Variants in AP5M1 observed in about 807,000 individuals in gnomAD.
AP5M1 encodes the protein adaptor related protein complex 5 subunit mu 1, also known as AP-5 complex subunit mu-1.
In AP5M1, 44 loss-of-function variants were observed where a neutral mutation model predicts 52.3. The ratio of observed to expected loss-of-function variants is 0.84; its 90% CI spans 0.66 to 1.08. The LOEUF is 1.08. AP5M1 is among the 50% of genes least tolerant of loss of function. The probability of loss-of-function intolerance (pLI) is 0.00; values close to 1 mark genes in which losing one functional copy is unlikely to be tolerated. For synonymous variants in AP5M1, 213 were observed against 199.0 expected (o/e 1.07, Z -0.59); for missense variants, 526 against 568.4 (o/e 0.93, Z 0.76).
intron 6 of AP5M1, among the ~76,000 whole-genome samples, chr14:57,284,064 A>C (rs970133020): frequency 1.3e-5 from 2 of 152,214 alleles, no homozygotes; most frequent in African/African-American, 2.4e-5. Context: ...TCAGTGTTGC[A>C]CATCAACAAT....
chr14:57,273,100 C>G (rs1462617591), intron 1 of AP5M1, among the ~76,000 whole-genome samples: 2 of 151,968 alleles, frequency 1.3e-5, no homozygotes. Flanking sequence ...CCACCACAAC[C>G]AGCTAATTTG....
chr14:57,274,641 C>T lies in AP5M1; in HGVS notation c.472C>T (p.Gln158Ter). Residue 158 changes from glutamine (Q) to a stop codon, truncating the protein, a stop_gained, in exon 2 of 8, where the codon CAG becomes TAG. Coordinates refer to ENST00000261558, the MANE Select transcript of AP5M1 (RefSeq NM_018229.4). LOFTEE classifies it high-confidence loss of function. ...NDSELNTKLS[Q>*]LPDLLLQACP... ...CTCTGAGCTGAATACAAAATTGAGC[C>T]AGTTGCCTGACTTGCTTCTGCAGGC... The T allele has an allele frequency of 6.2e-7, 1 of 1,614,162 alleles. No homozygotes were observed. The highest frequency in any genetic ancestry group is 8.5e-7 in the Non-Finnish European group (1 of 1,180,012).
At position 57,298,508 on chromosome 14, in the gene AP5M1, G is replaced by A. The variant is rs1885597679; in HGVS notation, c.*9624G>A. ...TATTGTGAGCATTGAATGATACCAA[G>A]TTATAAGTGCATAGGTATTCAATCA... On this transcript the variant is annotated 3_prime_UTR_variant, in exon 8 of 8. Transcript: ENST00000261558. 6.6e-6 allele frequency: 1 copy of A among 152,120 alleles called. No individual in the cohort carries two copies. The highest frequency in any genetic ancestry group is 2.4e-5 in the African/African-American group (1 of 41,430). The allele number at this position is 152,120 out of a possible 1,614,324, so 9.4% of individuals were successfully genotyped here.
chr14:57,288,514 C>G (rs955870842), intron 7 of AP5M1, among the ~76,000 whole-genome samples: 1 of 151,710 alleles, frequency 6.6e-6, no homozygotes, highest in African/African-American at 2.4e-5. Flanking sequence ...GAGTAATGGT[C>G]CATACGAAAA....
At chr14:57,273,690 A>G (rs1460013098) in intron 1 of AP5M1, 2 of 701,802 alleles carry the variant, frequency 2.8e-6, no homozygotes, top group African/African-American at 1.7e-5. Flanking sequence ...TACTAAAATG[A>G]TCTTCCATGT....
At chr14:57,282,790 A>G in intron 4 of AP5M1, 144 bp from the exon 5 acceptor site, 1 of 487,760 alleles carries the variant, frequency 2.1e-6, no homozygotes, top group Non-Finnish European at 3.7e-6. Flanking sequence ...TTTAACATTC[A>G]TTATTTGTTC....
intron 7 of AP5M1, among the ~76,000 whole-genome samples, chr14:57,287,460 A>AT (rs1366126911): frequency 2.0e-5 from 3 of 151,998 alleles, no homozygotes; most frequent in African/African-American, 4.8e-5. Context: ...CTCTTACATC[A>AT]TTTTTTTGTT....
rs368784458 is a variant in AP5M1, at chr14:57,294,778, C to T, written c.*5894C>T. On this transcript the variant is annotated 3_prime_UTR_variant, in exon 8 of 8. Transcript: ENST00000261558. ...CAGATGTAGGGAATAGCTTGTTTCCCATTATGTTTCTAGAATATTACACAT... is the reference window on the plus strand; with the variant it reads ...CAGATGTAGGGAATAGCTTGTTTCCTATTATGTTTCTAGAATATTACACAT... 3.3e-5 allele frequency: 5 copies of T among 151,926 alleles called. No homozygotes were observed. The highest frequency in any genetic ancestry group is 1.9e-4 in the East Asian group (1 of 5,174). The allele number at this position is 151,926 out of a possible 1,614,324, so 9.4% of individuals were successfully genotyped here. A position where few individuals can be genotyped will look rare whatever the true frequency, so the allele number is the denominator to read the frequency against.
chr14:57,273,944 G>A (rs747141348), intron 1 of AP5M1, among the ~76,000 whole-genome samples: 1 of 152,156 alleles, frequency 6.6e-6, no homozygotes, highest in Non-Finnish European at 1.5e-5. Flanking sequence ...GTATCTGAGT[G>A]GCTGAGAGAC....
intron 1 of AP5M1, among the ~76,000 whole-genome samples, chr14:57,272,672 C>T (rs1884922678): frequency 6.6e-6 from 1 of 151,906 alleles, no homozygotes; most frequent in South Asian, 2.1e-4. Flanking sequence ...CTTTAATTAC[C>T]CTCTGGAAAA....
intron 1 of AP5M1, among the ~76,000 whole-genome samples, chr14:57,271,606 G>A (rs2139683417): frequency 6.6e-6 from 1 of 150,472 alleles, no homozygotes; most frequent in Admixed American, 6.6e-5. Flanking sequence ...AGATAGTACA[G>A]ATATTTTCTT....
Position 57,282,188 on chromosome 14 carries a change from A to G in AP5M1, c.1048A>G (p.Asn350Asp). The G allele has an allele frequency of 1.3e-6, 2 of 1,574,520 alleles. No individual in the cohort carries two copies. The highest frequency in any genetic ancestry group is 1.7e-6 in the Non-Finnish European group (2 of 1,164,946). ...NLKLHESVKN[N>D]FEFCEAHIPF... ...AAAACTTCATGAAAGTGTGAAAAAT[A>G]ATTTTGAATTCTGTGAAGCCCATAT... The change falls in exon 4 of 8, where the codon AAT becomes GAT. Residue 350 changes from asparagine (N) to aspartate (D), a missense_variant. By Grantham distance (23) the Asn-to-Asp change is conservative (BLOSUM62 1). This residue lies in a region of AP5M1 where 425 missense variants were observed against 430.6 expected (regional missense o/e 0.99). Coordinates refer to ENST00000261558, the MANE Select transcript of AP5M1 (RefSeq NM_018229.4).
intron 6 of AP5M1, among the ~76,000 whole-genome samples, chr14:57,285,055 TA>T (rs1044652867): frequency 2.7e-5 from 4 of 150,164 alleles, no homozygotes; most frequent in African/African-American, 7.3e-5. Flanking sequence ...ACAGGAAGAT[TA>T]AAAAAAACAA....
rs1303250060 is a variant in AP5M1, at chr14:57,290,631, T to A, written c.*1747T>A. On this transcript the variant is annotated 3_prime_UTR_variant, in exon 8 of 8. Transcript: ENST00000261558. Reference sequence around the variant, plus strand: ...ATCAGTGAATCTTCTATTTGACATTTCTAGAAACCGGAGGAAAATCTAGGG... The same window carrying A: ...ATCAGTGAATCTTCTATTTGACATTACTAGAAACCGGAGGAAAATCTAGGG... The A allele has an allele frequency of 6.6e-6, 1 of 151,948 alleles. No homozygotes were observed. The highest frequency in any genetic ancestry group is 1.5e-5 in the Non-Finnish European group (1 of 67,894). The allele number at this position is 151,948 out of a possible 1,614,324, so 9.4% of individuals were successfully genotyped here.
chr14:57,268,973 G>T lies in AP5M1; in HGVS notation c.-342G>T. On this transcript the variant is annotated 5_prime_UTR_variant, in exon 1 of 8. Coordinates refer to ENST00000261558, the MANE Select transcript of AP5M1 (RefSeq NM_018229.4). The stretch of plus-strand genomic sequence containing the variant: ...CGAGCGGCGAAAGAACCGAAAAAAG[G>T]CTCGACGCTACCGTGTATGAGGAAC... 1 of 567,210 alleles carries T rather than the reference G, an allele frequency of 1.8e-6. No individual in the cohort carries two copies. Among genetic ancestry groups the T allele is most frequent in the Non-Finnish European group, 3.0e-6 (1 of 330,044 alleles). 35.1% of individuals were successfully genotyped at this position (567,210 alleles called of 1,614,324 possible). A position where few individuals can be genotyped will look rare whatever the true frequency, so the allele number is the denominator to read the frequency against.
chr14:57,287,083 AT>A (rs889182278), intron 7 of AP5M1, among the ~76,000 whole-genome samples: 1 of 152,110 alleles, frequency 6.6e-6, no homozygotes, highest in African/African-American at 2.4e-5. Context: ...AAAGTATTTA[AT>A]TCAGATCAAA....
rs896667628 is a variant in AP5M1 at position 57,298,355 on chromosome 14, A to C, written c.*9471A>C. 1.3e-5 allele frequency: 2 copies of C among 152,206 alleles called. No individual in the cohort carries two copies. Among genetic ancestry groups the C allele is most frequent in the African/African-American group, 4.8e-5 (2 of 41,456 alleles). The allele number at this position is 152,206 out of a possible 1,614,324, so 9.4% of individuals were successfully genotyped here. A position where few individuals can be genotyped will look rare whatever the true frequency, so the allele number is the denominator to read the frequency against. ...CCATAAAGGCAAAGTGGTATAGAGA[A>C]AATAATACAGTCTTTGAAGTCACAC... On this transcript the variant is annotated 3_prime_UTR_variant, in exon 8 of 8. Transcript: ENST00000261558.
chr14:57,269,491 T>A (rs1884823294), intron 1 of AP5M1, 103 bp downstream of exon 1: 1 of 1,137,338 alleles, frequency 8.8e-7, no homozygotes, highest in Non-Finnish European at 1.3e-6. Context: ...AATAGCTGCG[T>A]GACCTTGGGC....
Position 57,294,027 on chromosome 14 carries a change from A to G in AP5M1, c.*5143A>G, listed in dbSNP as rs1441867292. ...TCCAACTGTCCGCACCAGCTGTTTC[A>G]TGGATATAACATTAGTGTTTGTGTA... On this transcript the variant is annotated 3_prime_UTR_variant, in exon 8 of 8. Transcript: ENST00000261558. 8 of 151,774 alleles carry G rather than the reference A, an allele frequency of 5.3e-5. No individual in the cohort carries two copies. The highest frequency in any genetic ancestry group is 3.3e-4 in the Admixed American group (5 of 15,172). The allele number at this position is 151,774 out of a possible 1,614,324, so 9.4% of individuals were successfully genotyped here. A position where few individuals can be genotyped will look rare whatever the true frequency, so the allele number is the denominator to read the frequency against.
Sources: gnomAD v4.1 joint callset for allele counts (sites outside exome capture counted in the v4.1 genomes callset) on GRCh38, gnomAD v4.1.1 for gene constraint, gnomAD v4.1.1 regional missense constraint, MANE v1.5 for transcripts, NCBI Gene and HGNC (gene_info 2026-07-23, HGNC 2026-07-21) for gene names.